The following TRPC6 variants were observed in gnomAD, a reference collection of about 807,000 sequenced individuals.
TRPC6 encodes the protein short transient receptor potential channel 6.
Under a neutral mutation model 90.7 loss-of-function variants are expected in TRPC6, and 55 were observed. The ratio of observed to expected loss-of-function variants is 0.61; its 90% CI spans 0.49 to 0.76. The LOEUF (loss-of-function observed/expected upper bound fraction) is 0.76, where lower values mean the gene tolerates loss of function less well. Ranked by LOEUF, TRPC6 falls within the 30% of genes least tolerant of loss-of-function variation. TRPC6 has a pLI of 0.00. For synonymous variants in TRPC6, 393 were observed against 393.0 expected (o/e 1.00, Z 0.00); for missense variants, 989 against 1,122.7 (o/e 0.88, Z 1.70).
chr11:101,526,028 G>GT (rs1860772023), intron 1 of TRPC6, among the ~76,000 whole-genome samples: 1 of 152,198 alleles, frequency 6.6e-6, no homozygotes, highest in South Asian at 2.1e-4. Flanking sequence ...GCTTATCACA[G>GT]TATATTTTAA....
At chr11:101,492,403 G>A (rs948192430) in intron 2 of TRPC6, among the ~76,000 whole-genome samples, 11 of 152,052 alleles carry the variant, frequency 7.2e-5, no homozygotes. Flanking sequence ...GAGCAACATG[G>A]CAAAACCTTG....
chr11:101,495,973 A>T (rs1859936673), intron 2 of TRPC6, among the ~76,000 whole-genome samples: 1 of 152,154 alleles, frequency 6.6e-6, no homozygotes, highest in Non-Finnish European at 1.5e-5. Context: ...TAATTGGCTC[A>T]TGGTTCTATG....
intron 1 of TRPC6, among the ~76,000 whole-genome samples, chr11:101,568,461 T>G (rs1159146570): frequency 1.3e-5 from 2 of 152,166 alleles, no homozygotes; most frequent in South Asian, 4.1e-4. Context: ...CCAGGAGAAC[T>G]TCCCCAACCT....
chr11:101,582,129 A>G (rs1658994067), intron 1 of TRPC6, among the ~76,000 whole-genome samples: 2 of 152,260 alleles, frequency 1.3e-5, no homozygotes, highest in Admixed American at 1.3e-4. Flanking sequence ...CATATACATA[A>G]TTGTAAATGC....
intron 1 of TRPC6, among the ~76,000 whole-genome samples, chr11:101,514,379 G>A (rs1329092514): frequency 1.3e-5 from 2 of 152,192 alleles, no homozygotes; most frequent in Admixed American, 6.5e-5. Flanking sequence ...AACCCAATCT[G>A]AAGGTCAGGG....
At chr11:101,528,643 A>T (rs1015497934) in intron 1 of TRPC6, among the ~76,000 whole-genome samples, 1 of 152,140 alleles carries the variant, frequency 6.6e-6, no homozygotes, top group Non-Finnish European at 1.5e-5. Flanking sequence ...TTTCTCTTAT[A>T]GAAATCTGTG....
At chr11:101,485,754 A>C (rs1041555091) in intron 4 of TRPC6, among the ~76,000 whole-genome samples, 1 of 152,154 alleles carries the variant, frequency 6.6e-6, no homozygotes, top group African/African-American at 2.4e-5. Flanking sequence ...AGAACCAAAT[A>C]AATAACATAA....
intron 1 of TRPC6, among the ~76,000 whole-genome samples, chr11:101,543,836 T>C (rs1333568326): frequency 1.3e-5 from 2 of 152,124 alleles, no homozygotes; most frequent in Non-Finnish European, 2.9e-5. Flanking sequence ...AAAGACTTCA[T>C]GACTAAAACA....
At chr11:101,503,058 T>A (rs776253660) in intron 2 of TRPC6, among the ~76,000 whole-genome samples, 17 of 152,216 alleles carry the variant, frequency 1.1e-4, no homozygotes, top group Non-Finnish European at 1.6e-4. Flanking sequence ...GTAAAGGAGA[T>A]AAGTGCATCA....
chr11:101,499,622 C>CAATATAAAATGTGTATATATAT (rs1466113112), intron 2 of TRPC6, among the ~76,000 whole-genome samples: 4 of 67,630 alleles, frequency 5.9e-5, no homozygotes, highest in African/African-American at 2.8e-4. Context: ...TATATATACA[C>CAATATAAAATGTGTATATATAT]ACACAATATA....
At chr11:101,475,131 G>A (rs1477112658) in intron 6 of TRPC6, among the ~76,000 whole-genome samples, 1 of 152,138 alleles carries the variant, frequency 6.6e-6, no homozygotes, top group Non-Finnish European at 1.5e-5. Flanking sequence ...AGTGTTAGAG[G>A]TGATGATCTG....
intron 1 of TRPC6, among the ~76,000 whole-genome samples, chr11:101,579,900 C>T (rs79628155): frequency 0.035 from 5,353 of 152,204 alleles, 244 homozygotes; most frequent in Admixed American, 0.098. Context: ...GTCACTGGGA[C>T]GCATAACTCA....
intron 2 of TRPC6, among the ~76,000 whole-genome samples, chr11:101,500,658 AT>A (rs1860096495): frequency 6.6e-6 from 1 of 152,074 alleles, no homozygotes; most frequent in African/African-American, 2.4e-5. Context: ...AATTTCATAT[AT>A]ATGTGTGTGT....
rs1191229587 is a variant in TRPC6, at chr11:101,476,171, T to C, written c.1744+130A>G. On this transcript the variant is annotated intron_variant, in intron 6 of 12. Transcript: ENST00000344327. ...TGCTTCCTCACATATAGATGCTCAT[T>C]CTTCAGATACAGATGTTGGAAACTC... The C allele has an allele frequency of 4.0e-6, 3 of 748,230 alleles. No individual in the cohort carries two copies. The East Asian group carries it at 8.1e-5, about 20-fold the overall frequency. 46.3% of individuals were successfully genotyped at this position (748,230 alleles called of 1,614,324 possible).
intron 1 of TRPC6, among the ~76,000 whole-genome samples, chr11:101,518,264 A>T (rs1860567717): frequency 6.6e-6 from 1 of 152,184 alleles, no homozygotes; most frequent in Non-Finnish European, 1.5e-5. Context: ...CAACCCACAG[A>T]ATCGAAGAAA....
At chr11:101,462,948 T>C (rs907481661) in intron 10 of TRPC6, among the ~76,000 whole-genome samples, 1 of 152,214 alleles carries the variant, frequency 6.6e-6, no homozygotes, top group Non-Finnish European at 1.5e-5. Context: ...TGTGGGTTTG[T>C]CATGAATAGC....
At chr11:101,567,093 G>A (rs1255490482) in intron 1 of TRPC6, among the ~76,000 whole-genome samples, 2 of 152,088 alleles carry the variant, frequency 1.3e-5, no homozygotes, top group Admixed American at 1.3e-4. Context: ...AACCCCCATG[G>A]ATCCCAGCAA....
At chr11:101,527,573 C>T (rs1860807444) in intron 1 of TRPC6, among the ~76,000 whole-genome samples, 1 of 152,060 alleles carries the variant, frequency 6.6e-6, no homozygotes, top group Non-Finnish European at 1.5e-5. Context: ...GGTGTGCACA[C>T]ATGCATGTTA....
At chr11:101,542,609 T>TAA (rs35068758) in intron 1 of TRPC6, among the ~76,000 whole-genome samples, 30 of 144,846 alleles carry the variant, frequency 2.1e-4, no homozygotes, top group Admixed American at 7.0e-4. Flanking sequence ...GCTACAGCAT[T>TAA]AAAAAAAAAA....
Sources: allele counts gnomAD v4.1 joint callset (sites outside exome capture counted in the v4.1 genomes callset), GRCh38; gene constraint gnomAD v4.1.1; transcripts MANE v1.5; gene names NCBI Gene and HGNC (gene_info 2026-07-23, HGNC 2026-07-21).